Variants in SEMA3D observed in about 807,000 individuals in gnomAD.
The protein encoded by SEMA3D is semaphorin-3D.
In SEMA3D, 84 loss-of-function variants were observed where a neutral mutation model predicts 100.1. That is an observed-to-expected ratio of 0.84 (90% confidence interval 0.70 to 1.01). The LOEUF (loss-of-function observed/expected upper bound fraction) is 1.01, where lower values mean the gene tolerates loss of function less well. Among genes scored for constraint, SEMA3D ranks in the 50% least tolerant of loss-of-function variants. The pLI is 0.00. For missense variants in SEMA3D, 875 were observed against 934.1 expected (o/e 0.94, Z 0.82); for synonymous variants, 312 against 320.7 (o/e 0.97, Z 0.29).
intron 12 of SEMA3D, among the ~76,000 whole-genome samples, chr7:85,031,319 C>G (rs1313550035): frequency 2.0e-5 from 3 of 151,890 alleles, no homozygotes; most frequent in Non-Finnish European, 1.5e-5. Context: ...TAAAAAATAA[C>G]CTACGTTAAA....
At chr7:85,112,136 A>G (rs1296610312) in intron 3 of SEMA3D, among the ~76,000 whole-genome samples, 2 of 152,174 alleles carry the variant, frequency 1.3e-5, no homozygotes, top group South Asian at 2.1e-4. Context: ...AGATGTATCA[A>G]AACAAATCAA....
chr7:85,120,626 C>A (rs779857141), intron 3 of SEMA3D, among the ~76,000 whole-genome samples: 1 of 150,422 alleles, frequency 6.6e-6, no homozygotes, highest in Admixed American at 6.6e-5. Flanking sequence ...CGAGATCATG[C>A]CCTGCCCACC....
the SEMA3D span, among the ~76,000 whole-genome samples, chr7:85,221,261 A>G: frequency 6.6e-6 from 1 of 152,130 alleles, no homozygotes; most frequent in African/African-American, 2.4e-5. Context: ...GAATATGATT[A>G]AAAGGCACAC....
intron 15 of SEMA3D, among the ~76,000 whole-genome samples, chr7:85,017,613 G>A (rs544265703): frequency 5.6e-4 from 85 of 151,764 alleles, no homozygotes; most frequent in African/African-American, 2.0e-3. Flanking sequence ...AAATAATAGT[G>A]CAGTTTGAAT....
chr7:85,177,524 C>T (rs1791272471), intron 1 of SEMA3D, among the ~76,000 whole-genome samples: 1 of 152,092 alleles, frequency 6.6e-6, no homozygotes, highest in African/African-American at 2.4e-5. Flanking sequence ...ACATCTGGCA[C>T]TGATGTTGTG....
chr7:85,237,355 G>A, the SEMA3D span, among the ~76,000 whole-genome samples: 53 of 152,244 alleles, frequency 3.5e-4, no homozygotes, highest in African/African-American at 1.3e-3. Context: ...TATGGATTTA[G>A]ATCAATGTTA....
intron 1 of SEMA3D, among the ~76,000 whole-genome samples, chr7:85,163,548 A>C (rs770538098): frequency 5.3e-5 from 8 of 152,168 alleles, no homozygotes; most frequent in Non-Finnish European, 1.0e-4. Flanking sequence ...ACAGGACAGT[A>C]GGAAATAACT....
chr7:85,028,083 G>T, intron 12 of SEMA3D: 1 of 617,270 alleles, frequency 1.6e-6, no homozygotes, highest in Non-Finnish European at 3.0e-6. Context: ...TGTCCAGTTT[G>T]ATATGACATA....
chr7:85,056,083 C>G (rs905384878), intron 8 of SEMA3D, among the ~76,000 whole-genome samples: 1 of 152,004 alleles, frequency 6.6e-6, no homozygotes, highest in African/African-American at 2.4e-5. Flanking sequence ...TTCCAGAGAG[C>G]AGGTGAGAAC....
intron 2 of SEMA3D, among the ~76,000 whole-genome samples, chr7:85,147,453 G>A (rs1224281168): frequency 6.6e-6 from 1 of 151,868 alleles, no homozygotes; most frequent in Non-Finnish European, 1.5e-5. Flanking sequence ...CCTGGCCTCT[G>A]TCAGTCTTTC....
At chr7:85,047,076 G>C (rs920231919) in intron 9 of SEMA3D, among the ~76,000 whole-genome samples, 4 of 151,648 alleles carry the variant, frequency 2.6e-5, no homozygotes, top group Non-Finnish European at 4.4e-5. Flanking sequence ...GTTCAATTTG[G>C]GTGGTAAGTA....
chr7:85,069,715 G>C (rs1420069658), intron 6 of SEMA3D, among the ~76,000 whole-genome samples: 1 of 152,128 alleles, frequency 6.6e-6, no homozygotes, highest in Non-Finnish European at 1.5e-5. Flanking sequence ...ATGCTAGTAA[G>C]AAAACATTTA....
Position 84,996,117 on chromosome 7 carries a change from T to C in SEMA3D, c.*3323A>G, listed in dbSNP as rs1012712167. The C allele has an allele frequency of 1.3e-5, 2 of 151,944 alleles. No homozygotes were observed. Among genetic ancestry groups the C allele is most frequent in the Admixed American group, 1.3e-4 (2 of 15,268 alleles). 9.4% of individuals were successfully genotyped at this position (151,944 alleles called of 1,614,324 possible). ...TCCATTTGTATTATATAAATAAATA[T>C]GAAATACAACATTTAAGTTTAAGAA... On this transcript the variant is annotated 3_prime_UTR_variant, in exon 19 of 19. Transcript: ENST00000284136.
intron 2 of SEMA3D, among the ~76,000 whole-genome samples, chr7:85,138,290 A>T (rs904509633): frequency 6.6e-6 from 1 of 151,680 alleles, no homozygotes. Context: ...TTTAATTCAT[A>T]ATTTTATTGT....
rs1335612128 is a variant in SEMA3D at position 85,098,097 on chromosome 7, AAGAAAGAAAG to A, written c.152-142_152-133del. On this transcript the variant is annotated intron_variant, in intron 3 of 18. Transcript: ENST00000284136. ...AAGAAAAAGAAAGAAAGAAAAAAGAAAGAAAGAAAGAGAAAGAAAGAAAGAATTAGTAATA... is the reference window on the plus strand; with the variant it reads ...AAGAAAAAGAAAGAAAGAAAAAAGAAAGAAAGAAAGAAAGAATTAGTAATA... 3.4e-5 allele frequency: 20 copies of A among 594,704 alleles called. No homozygotes were observed. In the African/African-American group the frequency reaches 3.8e-4, roughly 11 times the overall value. The allele number at this position is 594,704 out of a possible 1,614,324, so 36.8% of individuals were successfully genotyped here.
intron 2 of SEMA3D, among the ~76,000 whole-genome samples, chr7:85,147,716 A>G (rs1257685395): frequency 6.6e-6 from 1 of 152,104 alleles, no homozygotes; most frequent in Non-Finnish European, 1.5e-5. Flanking sequence ...CTTTAGTGTC[A>G]TTGATATTGT....
At chr7:85,144,319 G>T in intron 2 of SEMA3D, 1 of 286,108 alleles carries the variant, frequency 3.5e-6, no homozygotes, top group South Asian at 1.4e-4. Context: ...AAATGTAAAA[G>T]TTTTCTGATA....
At chr7:85,050,012 A>G (rs11982720) in intron 9 of SEMA3D, among the ~76,000 whole-genome samples, 38,296 of 150,964 alleles carry the variant, frequency 0.25, 4,962 homozygotes, top group Non-Finnish European at 0.3. Flanking sequence ...ATTGCAAGCA[A>G]GTCTCACCGA....
upstream of SEMA3D, among the ~76,000 whole-genome samples, chr7:85,191,252 T>C (rs531124988): frequency 3.9e-5 from 6 of 152,264 alleles, no homozygotes; most frequent in South Asian, 1.2e-3. Context: ...TATAGGAGTC[T>C]ATATGGTTGT....
Sources: gnomAD v4.1 joint callset for allele counts (sites outside exome capture counted in the v4.1 genomes callset) on GRCh38, gnomAD v4.1.1 for gene constraint, MANE v1.5 for transcripts, NCBI Gene and HGNC (gene_info 2026-07-23, HGNC 2026-07-21) for gene names.